Variants in FNDC3B observed in about 807,000 individuals in gnomAD.
The protein encoded by FNDC3B is fibronectin type III domain containing 3B.
Under a neutral mutation model 151.5 loss-of-function variants are expected in FNDC3B, and 12 were observed. The ratio of observed to expected loss-of-function variants is 0.08; its 90% CI spans 0.05 to 0.13. The LOEUF is 0.13. FNDC3B is among the 10% of genes least tolerant of loss of function. FNDC3B has a pLI of 1.00. For missense variants in FNDC3B, 1,214 were observed against 1,505.3 expected, an observed-to-expected ratio of 0.81 and a Z score of 3.20; for synonymous variants, 528 against 549.0, an observed-to-expected ratio of 0.96 and a Z score of 0.54.
At chr3:172,396,802 T>C (rs985941289) in intron 25 of FNDC3B, among the ~76,000 whole-genome samples, 3 of 152,212 alleles carry the variant, frequency 2.0e-5, no homozygotes, top group Admixed American at 1.3e-4. Flanking sequence ...CGTGGAAAAC[T>C]TGTCCTCCAC....
intron 3 of FNDC3B, among the ~76,000 whole-genome samples, chr3:172,160,428 G>A (rs1180947961): frequency 6.6e-6 from 1 of 152,186 alleles, no homozygotes; most frequent in Non-Finnish European, 1.5e-5. Context: ...CCCTGCTGTG[G>A]TTATGTTAAC....
intron 4 of FNDC3B, among the ~76,000 whole-genome samples, chr3:172,236,428 C>T (rs1468352894): frequency 6.6e-6 from 1 of 152,168 alleles, no homozygotes; most frequent in East Asian, 1.9e-4. Context: ...TATGTTAGAT[C>T]TTCTGAGTTT....
At chr3:172,394,969 CA>C (rs1736202438) in intron 25 of FNDC3B, among the ~76,000 whole-genome samples, 2 of 152,080 alleles carry the variant, frequency 1.3e-5, no homozygotes, top group Middle Eastern at 3.2e-3. Flanking sequence ...ACATCATTAA[CA>C]GAATGAAGGC....
rs1405304443 is a variant in FNDC3B at position 172,254,971 on chromosome 3, T to C, written c.790+3430T>C. ...ATATTAAAAATACCCTTGCTTTAGT[T>C]CTTAACACTTTAATATAATGGTAAC... On this transcript the variant is annotated intron_variant, in intron 6 of 25. Transcript: ENST00000415807. 7.9e-5 allele frequency among the ~76,000 whole-genome samples: 12 copies of C among 152,352 alleles called. No homozygotes were observed. In the East Asian group the frequency reaches 2.3e-3, roughly 29 times the overall value.
At chr3:172,344,771 G>C (rs773167895) in intron 19 of FNDC3B, among the ~76,000 whole-genome samples, 4 of 152,140 alleles carry the variant, frequency 2.6e-5, no homozygotes, top group Non-Finnish European at 5.9e-5. Flanking sequence ...TTGTCAAGTT[G>C]AGCTATCAAA....
intron 6 of FNDC3B, among the ~76,000 whole-genome samples, chr3:172,269,811 A>T (rs946805723): frequency 6.6e-6 from 1 of 151,768 alleles, no homozygotes; most frequent in Non-Finnish European, 1.5e-5. Flanking sequence ...TGCCTGGCTA[A>T]TTTTTTTTGA....
intron 6 of FNDC3B, among the ~76,000 whole-genome samples, chr3:172,269,810 A>G (rs551388346): frequency 7.9e-5 from 12 of 152,076 alleles, no homozygotes; most frequent in African/African-American, 2.4e-4. Flanking sequence ...ATGCCTGGCT[A>G]ATTTTTTTTG....
Position 172,344,235 on chromosome 3 carries a change from G to C in FNDC3B, c.2227G>C (p.Val743Leu), listed in dbSNP as rs199983301. 1 of 1,613,968 alleles carries C rather than the reference G, an allele frequency of 6.2e-7. No individual in the cohort carries two copies. Among genetic ancestry groups the C allele is most frequent in the African/African-American group, 1.3e-5 (1 of 75,016 alleles). ...TCCTGGAACCGTGTATCGCTTCCGG[G>C]TGAGGGCTCTGAATGATGGAGGGGT... ...LLPGTVYRFR[V>L]RALNDGGYGP... is the part of the protein sequence containing the mutation. Residue 743 changes from valine to leucine, a missense_variant, in exon 19 of 26, where the codon GTG becomes CTG. Physicochemically the swap from Val to Leu is conservative, Grantham distance 32. Coordinates refer to ENST00000415807, the MANE Select transcript of FNDC3B (RefSeq NM_022763.4).
intron 13 of FNDC3B, among the ~76,000 whole-genome samples, chr3:172,332,025 C>CAA (rs1732708279): frequency 6.6e-6 from 1 of 152,114 alleles, no homozygotes; most frequent in Non-Finnish European, 1.5e-5. Context: ...GGCTGGAGTG[C>CAA]GGTGGTGCAA....
At chr3:172,332,296 C>T (rs1732723573) in intron 13 of FNDC3B, among the ~76,000 whole-genome samples, 1 of 152,176 alleles carries the variant, frequency 6.6e-6, no homozygotes, top group African/African-American at 2.4e-5. Flanking sequence ...TTGTAATAAA[C>T]TTAAATTCAA....
intron 1 of FNDC3B, among the ~76,000 whole-genome samples, chr3:172,063,493 T>C (rs1176824494): frequency 6.6e-6 from 1 of 152,232 alleles, no homozygotes; most frequent in Non-Finnish European, 1.5e-5. Context: ...GTCCTCCTCA[T>C]GCATTCCTGT....
Position 172,397,308 on chromosome 3 carries a change from T to C in FNDC3B, c.3448T>C (p.Leu1150=), listed in dbSNP as rs1736339247. ...CTTCAGCCCCTCTGCGGCTTTTGTA[T>C]TACAACGAAGTGAGGTCATGCTTAC... ...GAFSPSAAFV[L]QRSEVMLTGD... The change falls in exon 26 of 26, where the codon TTA becomes CTA. Residue 1150 remains leucine (L), a synonymous_variant. Coordinates refer to ENST00000415807, the MANE Select transcript of FNDC3B (RefSeq NM_022763.4). 6.2e-7 allele frequency: 1 copy of C among 1,614,074 alleles called. No individual in the cohort carries two copies. Among genetic ancestry groups the C allele is most frequent in the Non-Finnish European group, 8.5e-7 (1 of 1,180,030 alleles).
intron 3 of FNDC3B, among the ~76,000 whole-genome samples, chr3:172,175,722 C>T (rs1249635050): frequency 6.6e-6 from 1 of 152,122 alleles, no homozygotes; most frequent in Non-Finnish European, 1.5e-5. Flanking sequence ...AATCTAAAGC[C>T]GATATGTAAA....
chr3:172,312,521 G>A (rs965636017), intron 11 of FNDC3B, among the ~76,000 whole-genome samples: 3 of 152,132 alleles, frequency 2.0e-5, no homozygotes, highest in Non-Finnish European at 4.4e-5. Flanking sequence ...TTTAATGAAA[G>A]TCTCTTTTTA....
At chr3:172,328,637 C>T (rs1447593050) in intron 11 of FNDC3B, among the ~76,000 whole-genome samples, 2 of 152,110 alleles carry the variant, frequency 1.3e-5, no homozygotes, top group South Asian at 2.1e-4. Flanking sequence ...AAATTGTGAT[C>T]GTTAACTGGA....
At chr3:172,382,493 T>C (rs1336721629) in intron 25 of FNDC3B, among the ~76,000 whole-genome samples, 2 of 152,252 alleles carry the variant, frequency 1.3e-5, no homozygotes, top group Non-Finnish European at 2.9e-5. Context: ...TTGTCAATTT[T>C]GGCTTTTGTT....
chr3:172,253,529 C>T (rs1000550029), intron 6 of FNDC3B, among the ~76,000 whole-genome samples: 4 of 152,116 alleles, frequency 2.6e-5, no homozygotes, highest in African/African-American at 7.2e-5. Context: ...GAGTTTACTG[C>T]GGCTGACATC....
At chr3:172,097,065 T>A (rs1719125667) in intron 1 of FNDC3B, among the ~76,000 whole-genome samples, 2 of 152,336 alleles carry the variant, frequency 1.3e-5, no homozygotes, top group Admixed American at 1.3e-4. Context: ...TAAGTAAGTA[T>A]GTAACAGATT....
intron 9 of FNDC3B, among the ~76,000 whole-genome samples, chr3:172,306,148 T>TCA (rs1731187429): frequency 6.6e-6 from 1 of 152,192 alleles, no homozygotes; most frequent in Admixed American, 6.5e-5. Flanking sequence ...ACTTTGCAAA[T>TCA]CACACACACA....
Sources: allele counts gnomAD v4.1 joint callset (sites outside exome capture counted in the v4.1 genomes callset), GRCh38; gene constraint gnomAD v4.1.1; transcripts MANE v1.5; gene names NCBI Gene and HGNC (gene_info 2026-07-23, HGNC 2026-07-21).